Variants in INTS4 observed in about 807,000 individuals in gnomAD.
INTS4 encodes the protein MSTP093.
A neutral mutation model predicts 119.5 loss-of-function variants in INTS4; 70 were observed. The observed-to-expected ratio is 0.59, with a 90% CI of 0.48 to 0.71. INTS4 has a LOEUF of 0.71. INTS4 is among the 30% of genes least tolerant of loss of function. The probability of loss-of-function intolerance (pLI) is 0.00; values close to 1 mark genes in which losing one functional copy is unlikely to be tolerated. For missense variants in INTS4, 867 were observed against 1,173.2 expected, an observed-to-expected ratio of 0.74 and a Z score of 3.81; for synonymous variants, 316 against 419.6, an observed-to-expected ratio of 0.75 and a Z score of 3.02.
At chr11:77,928,570 T>C (rs752776817) in intron 10 of INTS4, 23 bp from the exon 11 acceptor site, 67 of 1,549,424 alleles carry the variant, frequency 4.3e-5, no homozygotes, top group African/African-American at 2.6e-4. Flanking sequence ...ACAAATGAAA[T>C]TGCACATCAG....
intron 15 of INTS4, among the ~76,000 whole-genome samples, chr11:77,908,083 GTATA>G (rs1953004761): frequency 4.5e-3 from 1 of 220 alleles, no homozygotes; most frequent in African/African-American, 0.016. Context: ...ACACTGAAAA[GTATA>G]CTAAGAGAAA....
intron 15 of INTS4, among the ~76,000 whole-genome samples, chr11:77,918,583 T>A (rs530520531): frequency 1.3e-5 from 2 of 152,300 alleles, no homozygotes; most frequent in South Asian, 4.1e-4. Context: ...AAAAACAGGT[T>A]CTTTGTAACT....
intron 10 of INTS4, among the ~76,000 whole-genome samples, chr11:77,936,397 T>C (rs1953791236): frequency 1.3e-5 from 2 of 152,210 alleles, no homozygotes; most frequent in Admixed American, 1.3e-4. Context: ...TTCTTCTTTT[T>C]TTTGAGACAG....
At chr11:77,937,680 G>A (rs974120064) in intron 10 of INTS4, among the ~76,000 whole-genome samples, 3 of 152,046 alleles carry the variant, frequency 2.0e-5, no homozygotes, top group African/African-American at 7.2e-5. Context: ...GGAAGTCAAA[G>A]CTTCAGTGAG....
Position 77,991,250 on chromosome 11 carries a change from T to A in INTS4, c.104A>T (p.Lys35Ile). The A allele has an allele frequency of 6.2e-7, 1 of 1,613,982 alleles. No homozygotes were observed. Among genetic ancestry groups the A allele is most frequent in the Non-Finnish European group, 8.5e-7 (1 of 1,179,858 alleles). ...TKKLRLTKPS[K>I]SAALHIDLCK... ...CAGATCTATGTGGAGTGCTGCAGAT[T>A]TACTTGGTTTTGTTAGTCGGAGTTT... Residue 35 changes from lysine (K) to isoleucine (I), a missense_variant, in exon 2 of 23, where the codon AAA (lysine) becomes ATA (isoleucine). Lys to Ile is a moderately radical substitution (Grantham distance 102). Around this residue, in one of 5 missense-constraint regions of INTS4, gnomAD observed 224 missense variants for 231.8 expected, o/e 0.97. Coordinates refer to ENST00000534064, the MANE Select transcript of INTS4 (RefSeq NM_033547.4).
intron 19 of INTS4, among the ~76,000 whole-genome samples, chr11:77,892,834 C>T (rs1790241): frequency 0.095 from 14,512 of 152,230 alleles, 946 homozygotes; most frequent in Non-Finnish European, 0.14. Flanking sequence ...CCACCCGCCT[C>T]AGCCTCCCAA....
intron 3 of INTS4, among the ~76,000 whole-genome samples, chr11:77,979,471 T>C (rs1591138649): frequency 6.6e-6 from 1 of 151,324 alleles, no homozygotes; most frequent in African/African-American, 2.4e-5. Flanking sequence ...CGAGACCCAG[T>C]CCTAAAAAAA....
rs188090936 is a variant in INTS4 at position 77,890,739 on chromosome 11, G to C, written c.2592+580C>G. On this transcript the variant is annotated intron_variant, in intron 21 of 22. Transcript: ENST00000534064. ...TAGAGTAAACACGATTGCACAGATGGATGGAAGGAAGGATGAATGAGTGGA... is the reference window on the plus strand; with the variant it reads ...TAGAGTAAACACGATTGCACAGATGCATGGAAGGAAGGATGAATGAGTGGA... 1.6e-3 allele frequency among the ~76,000 whole-genome samples: 239 copies of C among 152,328 alleles called. 1 individual carries two copies. Among genetic ancestry groups the C allele is most frequent in the African/African-American group, 5.1e-3 (212 of 41,570 alleles).
chr11:77,979,961 G>A (rs1856133533), intron 3 of INTS4, among the ~76,000 whole-genome samples: 1 of 130,066 alleles, frequency 7.7e-6, no homozygotes, highest in Non-Finnish European at 1.5e-5. Context: ...CTAGGCGACA[G>A]AGCAAGACTC....
At chr11:77,946,449 G>A (rs1411777640) in intron 8 of INTS4, among the ~76,000 whole-genome samples, 1 of 152,130 alleles carries the variant, frequency 6.6e-6, no homozygotes, top group African/African-American at 2.4e-5. Flanking sequence ...AAGGAAACAT[G>A]ACACCCTCAA....
At chr11:77,882,891 C>T (rs951720567) in intron 22 of INTS4, among the ~76,000 whole-genome samples, 1 of 152,022 alleles carries the variant, frequency 6.6e-6, no homozygotes, top group African/African-American at 2.4e-5. Flanking sequence ...GCCAACATGA[C>T]GAAACCCTGT....
At chr11:77,966,408 C>T (rs1330929677) in intron 4 of INTS4, among the ~76,000 whole-genome samples, 1 of 152,126 alleles carries the variant, frequency 6.6e-6, no homozygotes, top group Non-Finnish European at 1.5e-5. Context: ...CCTGTGTTTT[C>T]TTCTAGTAGT....
chr11:77,979,424 G>A (rs952526797), intron 3 of INTS4, among the ~76,000 whole-genome samples: 6 of 151,816 alleles, frequency 4.0e-5, no homozygotes, highest in African/African-American at 7.3e-5. Context: ...GCAGTGAGCC[G>A]TAATCGCGCC....
downstream of INTS4, chr11:77,878,633 C>T: frequency 1.6e-6 from 1 of 608,340 alleles, no homozygotes; most frequent in Non-Finnish European, 2.9e-6. Flanking sequence ...TTGTGTTTCA[C>T]ACCTGAGGAA....
At chr11:77,979,892 C>A (rs547408233) in intron 3 of INTS4, among the ~76,000 whole-genome samples, 151 of 149,608 alleles carry the variant, frequency 1.0e-3, no homozygotes, top group African/African-American at 3.6e-3. Flanking sequence ...GCAGGAGAAT[C>A]GCTTGAACCC....
chr11:77,965,108 G>T (rs761404105), intron 4 of INTS4, among the ~76,000 whole-genome samples: 1 of 152,120 alleles, frequency 6.6e-6, no homozygotes, highest in Non-Finnish European at 1.5e-5. Flanking sequence ...CTGTCACCTA[G>T]GCTGGAGTGT....
At chr11:77,963,352 CAAAAAAAAAA>C (rs777966254) in intron 4 of INTS4, 3 of 170,240 alleles carry the variant, frequency 1.8e-5, no homozygotes, top group Non-Finnish European at 3.0e-5. Flanking sequence ...GACTCCGTCT[CAAAAAAAAAA>C]AAAAAAAAAA....
intron 22 of INTS4, among the ~76,000 whole-genome samples, chr11:77,881,410 G>C (rs1951786521): frequency 6.6e-6 from 1 of 152,150 alleles, no homozygotes; most frequent in Non-Finnish European, 1.5e-5. Flanking sequence ...TAGATTAGGA[G>C]AAAGAAACTG....
At chr11:77,974,433 G>C (rs1855866026) in intron 4 of INTS4, among the ~76,000 whole-genome samples, 1 of 151,392 alleles carries the variant, frequency 6.6e-6, no homozygotes, top group South Asian at 2.1e-4. Context: ...AGTAGAGACG[G>C]GGTTTCACCA....
Sources: allele counts gnomAD v4.1 joint callset (sites outside exome capture counted in the v4.1 genomes callset), GRCh38; gene constraint gnomAD v4.1.1; regional missense constraint gnomAD v4.1.1; transcripts MANE v1.5; gene names NCBI Gene and HGNC (gene_info 2026-07-23, HGNC 2026-07-21).